The following PTPRT variants were observed in gnomAD, a reference collection of about 807,000 sequenced individuals.
PTPRT encodes protein tyrosine phosphatase receptor type T, also known as receptor-type tyrosine-protein phosphatase T.
Under a neutral mutation model 176.8 loss-of-function variants are expected in PTPRT, and 56 were observed. That is an observed-to-expected ratio of 0.32 (90% CI 0.26 to 0.40). The LOEUF is 0.40. PTPRT is among the 10% of genes least tolerant of loss of function. The pLI is 1.00. For missense variants in PTPRT, 1,540 were observed against 1,908.2 expected (o/e 0.81, Z 3.60); for synonymous variants, 783 against 739.0 (o/e 1.06, Z -0.96).
intron 2 of PTPRT, among the ~76,000 whole-genome samples, chr20:42,829,796 A>C (rs973176665): frequency 1.3e-5 from 2 of 152,214 alleles, no homozygotes; most frequent in Non-Finnish European, 2.9e-5. Flanking sequence ...AATAAAAATT[A>C]TCCTTAGAAA....
Position 42,171,530 on chromosome 20 carries a change from A to C in PTPRT, c.2492-9988T>G, listed in dbSNP as rs575762669. Among the ~76,000 whole-genome samples the C allele has an allele frequency of 1.2e-3, 182 of 152,260 alleles. 1 individual carries two copies. The highest frequency in any genetic ancestry group is 4.3e-3 in the African/African-American group (177 of 41,556). On this transcript the variant is annotated intron_variant, in intron 16 of 30. Transcript: ENST00000373187. ...TTCAATGTGTACTATTTCAATCCTG[A>C]CACTCTTAATTGAAGAACACAATTT...
intron 4 of PTPRT, among the ~76,000 whole-genome samples, chr20:42,775,053 T>C (rs1393754115): frequency 6.6e-6 from 1 of 152,208 alleles, no homozygotes; most frequent in Non-Finnish European, 1.5e-5. Flanking sequence ...CAGCCAAACA[T>C]GGTTGACCTT....
intron 27 of PTPRT, among the ~76,000 whole-genome samples, chr20:42,097,192 C>G (rs189274639): frequency 1.3e-4 from 20 of 152,332 alleles, no homozygotes; most frequent in Non-Finnish European, 2.5e-4. Context: ...TGCTATGCTG[C>G]CAACCAAGAC....
chr20:42,677,464 C>A (rs936214044), intron 7 of PTPRT, among the ~76,000 whole-genome samples: 1 of 151,936 alleles, frequency 6.6e-6, no homozygotes, highest in African/African-American at 2.4e-5. Flanking sequence ...ACGGCCAGGG[C>A]CCCCAGAGAC....
intron 1 of PTPRT, among the ~76,000 whole-genome samples, chr20:42,948,432 C>A (rs1473483697): frequency 6.6e-6 from 1 of 152,214 alleles, no homozygotes; most frequent in East Asian, 1.9e-4. Flanking sequence ...TCACCTGCCC[C>A]TGGCCTGAGT....
intron 2 of PTPRT, among the ~76,000 whole-genome samples, chr20:42,860,163 A>G (rs1012717969): frequency 1.3e-5 from 2 of 152,170 alleles, no homozygotes; most frequent in African/African-American, 4.8e-5. Flanking sequence ...CTGTCTCATT[A>G]ATTAGAAATG....
chr20:42,765,068 T>A (rs1003269702), intron 5 of PTPRT, among the ~76,000 whole-genome samples: 1 of 152,196 alleles, frequency 6.6e-6, no homozygotes, highest in African/African-American at 2.4e-5. Context: ...CCTTTTCCTA[T>A]GAGATTCAGA....
intron 1 of PTPRT, among the ~76,000 whole-genome samples, chr20:42,902,946 G>T (rs965018): frequency 0.026 from 3,883 of 152,256 alleles, 126 homozygotes; most frequent in African/African-American, 0.07. Flanking sequence ...CTAGCTATCA[G>T]GGATAAAGCA....
intron 1 of PTPRT, among the ~76,000 whole-genome samples, chr20:43,132,301 T>A (rs2013668707): frequency 6.6e-6 from 1 of 152,086 alleles, no homozygotes; most frequent in Non-Finnish European, 1.5e-5. Flanking sequence ...AGGTGGATTT[T>A]AAAAAAACAT....
At chr20:42,052,979 T>G in the PTPRT span, among the ~76,000 whole-genome samples, 1 of 152,154 alleles carries the variant, frequency 6.6e-6, no homozygotes, top group Non-Finnish European at 1.5e-5. Flanking sequence ...AGTCATAGGG[T>G]CTCTGTTGCA....
rs112938365 is a variant in PTPRT at position 42,093,008 on chromosome 20, A to G, written c.3846+5413T>C. Reference sequence around the variant, plus strand: ...TTTTAAAGGAAAGAAACATCCTTGTATGCTCCATACACCAGGTGCCATAGC... The same window carrying G: ...TTTTAAAGGAAAGAAACATCCTTGTGTGCTCCATACACCAGGTGCCATAGC... On this transcript the variant is annotated intron_variant, in intron 27 of 30. Transcript: ENST00000373187. Among the ~76,000 whole-genome samples the G allele has an allele frequency of 4.9e-3, 739 of 152,354 alleles. 5 individuals are homozygous for G. The highest frequency in any genetic ancestry group is 0.017 in the African/African-American group (700 of 41,578).
chr20:42,423,578 G>T (rs1360643175), intron 9 of PTPRT, among the ~76,000 whole-genome samples: 2 of 152,112 alleles, frequency 1.3e-5, no homozygotes, highest in Non-Finnish European at 2.9e-5. Context: ...CCACTCTAGG[G>T]GAAGCATAAA....
rs77346775 is a variant in PTPRT at position 43,059,844 on chromosome 20, T to G, written c.88+129802A>C. On this transcript the variant is annotated intron_variant, in intron 1 of 30. Transcript: ENST00000373187. ...AAATACAAAAATTACCTGGGCATGG[T>G]GGTACACGTCTATAATCCCAGCTAC... Among the ~76,000 whole-genome samples, 913 of 152,084 alleles carry G rather than the reference T, an allele frequency of 6.0e-3. 15 individuals are homozygous for G. Among genetic ancestry groups the G allele is most frequent in the African/African-American group, 0.021 (883 of 41,502 alleles).
At chr20:42,174,792 C>T (rs1437904507) in intron 16 of PTPRT, among the ~76,000 whole-genome samples, 4 of 151,996 alleles carry the variant, frequency 2.6e-5, no homozygotes, top group African/African-American at 9.7e-5. Flanking sequence ...CACCTACTGC[C>T]TGTGTGATTT....
intron 12 of PTPRT, among the ~76,000 whole-genome samples, chr20:42,288,727 T>C (rs1382156675): frequency 6.6e-6 from 1 of 152,038 alleles, no homozygotes; most frequent in Non-Finnish European, 1.5e-5. Context: ...TAGTATTCCA[T>C]GGAGTATATG....
the PTPRT span, among the ~76,000 whole-genome samples, chr20:42,051,543 C>T: frequency 4.6e-5 from 7 of 152,128 alleles, no homozygotes; most frequent in Admixed American, 2.0e-4. Context: ...TAGGCAGGTC[C>T]CCCAGTGAGG....
At chr20:42,637,409 C>T (rs1336329456) in intron 7 of PTPRT, among the ~76,000 whole-genome samples, 1 of 152,126 alleles carries the variant, frequency 6.6e-6, no homozygotes, top group East Asian at 1.9e-4. Context: ...TCATTGTCCT[C>T]CTTGCTGATC....
intron 1 of PTPRT, among the ~76,000 whole-genome samples, chr20:43,062,089 G>T (rs1987485726): frequency 6.6e-6 from 1 of 152,186 alleles, no homozygotes. Flanking sequence ...TGGGGCTTAG[G>T]GTGGAAGGAA....
intron 6 of PTPRT, among the ~76,000 whole-genome samples, chr20:42,713,942 T>C (rs1383033075): frequency 2.6e-5 from 4 of 152,196 alleles, no homozygotes; most frequent in Admixed American, 6.5e-5. Flanking sequence ...AGCATTACGT[T>C]TCCTGTATAA....
Sources: allele counts gnomAD v4.1 joint callset (sites outside exome capture counted in the v4.1 genomes callset), GRCh38; gene constraint gnomAD v4.1.1; transcripts MANE v1.5; gene names NCBI Gene and HGNC (gene_info 2026-07-23, HGNC 2026-07-21).